Variants in MAMDC2 observed in about 807,000 individuals in gnomAD.
MAMDC2 encodes MAM domain-containing protein 2.
MAMDC2 carries 57 observed loss-of-function variants against 89.8 expected under a neutral mutation model. That is an observed-to-expected ratio of 0.63 (90% confidence interval 0.51 to 0.79). MAMDC2 has a LOEUF of 0.79. Among genes scored for constraint, MAMDC2 ranks in the 30% least tolerant of loss-of-function variants. MAMDC2 has a pLI of 0.00. For missense variants in MAMDC2, 800 were observed against 820.6 expected (o/e 0.97, Z 0.31); for synonymous variants, 313 against 293.4 (o/e 1.07, Z -0.68).
intron 6 of MAMDC2, among the ~76,000 whole-genome samples, chr9:70,127,117 C>T: frequency 6.6e-6 from 1 of 152,196 alleles, no homozygotes; most frequent in East Asian, 1.9e-4. Flanking sequence ...TACATGAATA[C>T]ATGTCTGTAT....
chr9:70,123,858 C>T (rs2030400061), intron 5 of MAMDC2, among the ~76,000 whole-genome samples: 1 of 152,224 alleles, frequency 6.6e-6, no homozygotes, highest in Admixed American at 6.5e-5. Context: ...CAGAACAAAT[C>T]CTTCCCTCAC....
intron 9 of MAMDC2, among the ~76,000 whole-genome samples, chr9:70,148,346 C>T (rs1243665540): frequency 1.3e-5 from 2 of 150,254 alleles, no homozygotes; most frequent in African/African-American, 4.9e-5. Context: ...TCCTATGCTT[C>T]CCCTCCATCA....
At chr9:70,109,845 T>A in intron 4 of MAMDC2, 41 bp downstream of exon 4, 8 of 1,545,884 alleles carry the variant, frequency 5.2e-6, no homozygotes, top group Non-Finnish European at 7.2e-6. Context: ...TTGTGAATCT[T>A]TTTCTAAAAG....
intron 9 of MAMDC2, among the ~76,000 whole-genome samples, chr9:70,160,462 A>G (rs2031933174): frequency 6.6e-6 from 1 of 152,146 alleles, no homozygotes. Flanking sequence ...TTTATTTTCC[A>G]CTTGCATCTT....
intron 9 of MAMDC2, 151 bp from the exon 10 acceptor site, chr9:70,168,551 T>C: frequency 3.3e-6 from 2 of 600,762 alleles, no homozygotes; most frequent in South Asian, 2.1e-5. Flanking sequence ...TAACCATTCT[T>C]CTTCCTACTG....
chr9:70,182,388 G>A (rs1563990133), intron 11 of MAMDC2, among the ~76,000 whole-genome samples: 1 of 152,090 alleles, frequency 6.6e-6, no homozygotes, highest in Non-Finnish European at 1.5e-5. Context: ...TTAGGGAGGA[G>A]TCTCTCTTTT....
intron 3 of MAMDC2, chr9:70,109,352 C>G (rs1254206000): frequency 1.0e-5 from 2 of 195,494 alleles, no homozygotes; most frequent in Non-Finnish European, 1.0e-5. Flanking sequence ...GGGCTAAAAC[C>G]ACAGGAGAAA....
At chr9:70,169,233 T>C (rs989817979) in intron 10 of MAMDC2, among the ~76,000 whole-genome samples, 2 of 152,210 alleles carry the variant, frequency 1.3e-5, no homozygotes, top group Admixed American at 6.5e-5. Flanking sequence ...AAACATTTTC[T>C]AAGTGAATTA....
intron 11 of MAMDC2, among the ~76,000 whole-genome samples, chr9:70,185,748 C>T (rs907539019): frequency 6.6e-6 from 1 of 152,172 alleles, no homozygotes; most frequent in South Asian, 2.1e-4. Context: ...CTCCATCATC[C>T]CAGGTCAACA....
At chr9:70,182,761 T>C (rs530729658) in intron 11 of MAMDC2, among the ~76,000 whole-genome samples, 1 of 152,012 alleles carries the variant, frequency 6.6e-6, no homozygotes, top group East Asian at 1.9e-4. Context: ...TTTATTAGTC[T>C]GAGCGGTCTA....
chr9:70,062,655 A>G (rs1827175467), intron 2 of MAMDC2: 1 of 152,206 alleles, frequency 6.6e-6, no homozygotes, highest in Non-Finnish European at 1.5e-5. Flanking sequence ...TCAGTGGTGT[A>G]ACAGCCAGGA....
intron 6 of MAMDC2, among the ~76,000 whole-genome samples, chr9:70,127,898 C>T (rs113555869): frequency 1.7e-4 from 26 of 152,148 alleles, no homozygotes; most frequent in African/African-American, 5.6e-4. Flanking sequence ...ACACTGACAG[C>T]GTTCTCTTTA....
At chr9:70,079,062 T>C (rs1195772313) in intron 2 of MAMDC2, among the ~76,000 whole-genome samples, 1 of 152,160 alleles carries the variant, frequency 6.6e-6, no homozygotes, top group Non-Finnish European at 1.5e-5. Context: ...GAGGGAGCCA[T>C]CTTCTGGAAT....
At chr9:70,074,021 T>C (rs1827470691) in intron 2 of MAMDC2, among the ~76,000 whole-genome samples, 1 of 152,178 alleles carries the variant, frequency 6.6e-6, no homozygotes, top group Non-Finnish European at 1.5e-5. Context: ...AAAACAGACA[T>C]GTAATAGTTT....
chr9:70,137,636 G>GT (rs1167544775), intron 7 of MAMDC2, among the ~76,000 whole-genome samples: 1 of 152,172 alleles, frequency 6.6e-6, no homozygotes, highest in Non-Finnish European at 1.5e-5. Context: ...TGAGAATATA[G>GT]TAAGTTTTTA....
At chr9:70,163,269 C>T (rs938004576) in intron 9 of MAMDC2, among the ~76,000 whole-genome samples, 23 of 145,116 alleles carry the variant, frequency 1.6e-4, no homozygotes, top group African/African-American at 5.4e-4. Flanking sequence ...TGCTCTGTCA[C>T]GAAGGCTGGA....
chr9:70,152,428 G>A (rs904452485), intron 9 of MAMDC2, among the ~76,000 whole-genome samples: 2 of 152,174 alleles, frequency 1.3e-5, no homozygotes, highest in Non-Finnish European at 2.9e-5. Context: ...AGGAAGGAAA[G>A]CAGTCCAGCG....
At chr9:70,213,526 T>C (rs62570318) in intron 11 of MAMDC2, among the ~76,000 whole-genome samples, 15,896 of 152,260 alleles carry the variant, frequency 0.1, 875 homozygotes, top group East Asian at 0.14. Context: ...AGTTAGGTGA[T>C]ATACTATGGT....
intron 2 of MAMDC2, among the ~76,000 whole-genome samples, chr9:70,073,681 A>AAAT (rs1827462574): frequency 6.6e-6 from 1 of 152,218 alleles, no homozygotes; most frequent in Non-Finnish European, 1.5e-5. Flanking sequence ...AATAGTGATC[A>AAAT]AGTAAAAGTT....
Sources: allele counts gnomAD v4.1 joint callset (sites outside exome capture counted in the v4.1 genomes callset), GRCh38; gene constraint gnomAD v4.1.1; transcripts MANE v1.5; gene names NCBI Gene and HGNC (gene_info 2026-07-23, HGNC 2026-07-21).